LINGO2: variants seen among roughly 807,000 people sequenced by gnomAD.
The protein encoded by LINGO2 is leucine-rich repeat and immunoglobulin-like domain-containing nogo receptor-interacting protein 2.
A neutral mutation model predicts 30.6 loss-of-function variants in LINGO2; 14 were observed. That is an observed-to-expected ratio of 0.46 (90% CI 0.30 to 0.72). The LOEUF is 0.72. Among genes scored for constraint, LINGO2 ranks in the 30% least tolerant of loss-of-function variants. The pLI is 0.07. For synonymous variants in LINGO2, 317 were observed against 288.5 expected (o/e 1.10, Z -1.00); for missense variants, 729 against 751.7 (o/e 0.97, Z 0.35).
chr9:28,393,936 T>C lies in LINGO2; in HGVS notation c.-278-21068A>G, dbSNP rs1587605400. Among the ~76,000 whole-genome samples, 3 of 152,192 alleles carry C rather than the reference T, an allele frequency of 2.0e-5. No homozygotes were observed. In the East Asian group the frequency reaches 5.8e-4, roughly 29 times the overall value. ...AAGCTCTTATACTAGCTGCAGGTGT[T>C]CCCCAGCAGGATTCAATCTCAGTTA... On this transcript the variant is annotated intron_variant, in intron 2 of 5. Transcript: ENST00000379992.
the LINGO2 span, among the ~76,000 whole-genome samples, chr9:28,712,689 C>A: frequency 6.6e-6 from 1 of 151,204 alleles, no homozygotes; most frequent in Non-Finnish European, 1.5e-5. Flanking sequence ...ACCATTAACT[C>A]CAAATTTTTA....
At chr9:28,768,526 G>A in the LINGO2 span, among the ~76,000 whole-genome samples, 1 of 151,448 alleles carries the variant, frequency 6.6e-6, no homozygotes. Flanking sequence ...GTGGGCAATT[G>A]GATTTCAATA....
chr9:27,955,189 G>A (rs1169541251), intron 5 of LINGO2, among the ~76,000 whole-genome samples: 2 of 152,104 alleles, frequency 1.3e-5, no homozygotes, highest in Non-Finnish European at 2.9e-5. Flanking sequence ...GATGTCTAAT[G>A]CACAGAATAA....
the LINGO2 span, among the ~76,000 whole-genome samples, chr9:28,831,779 G>C: frequency 2.0e-5 from 3 of 152,124 alleles, no homozygotes; most frequent in South Asian, 6.2e-4. Flanking sequence ...CTTTCCCCAA[G>C]TAATTCTTCA....
intron 2 of LINGO2, among the ~76,000 whole-genome samples, chr9:28,432,084 C>G (rs1386348090): frequency 2.6e-5 from 4 of 152,086 alleles, no homozygotes; most frequent in African/African-American, 4.8e-5. Context: ...TTACCATACT[C>G]TATAAAAGCA....
intron 5 of LINGO2, among the ~76,000 whole-genome samples, chr9:27,976,948 T>A (rs142891130): frequency 3.1e-4 from 47 of 152,082 alleles, no homozygotes; most frequent in African/African-American, 1.1e-3. Flanking sequence ...TAAGTTTGTT[T>A]CTAAATACAT....
chr9:28,863,246 T>A, the LINGO2 span, among the ~76,000 whole-genome samples: 1 of 152,106 alleles, frequency 6.6e-6, no homozygotes, highest in Non-Finnish European at 1.5e-5. Flanking sequence ...TAATTGGGCA[T>A]AATAATCCAA....
At chr9:28,618,881 G>GA (rs34018909) in intron 1 of LINGO2, among the ~76,000 whole-genome samples, 56,775 of 151,820 alleles carry the variant, frequency 0.37, 11,642 homozygotes, top group African/African-American at 0.53. Context: ...GAACTTAAAG[G>GA]AAAAAAAATT....
At chr9:28,944,231 A>C in the LINGO2 span, among the ~76,000 whole-genome samples, 2 of 152,182 alleles carry the variant, frequency 1.3e-5, no homozygotes, top group African/African-American at 4.8e-5. Flanking sequence ...AGAGAAGCAG[A>C]CATTCAGACC....
At chr9:28,402,736 G>A (rs1587619838) in intron 2 of LINGO2, among the ~76,000 whole-genome samples, 2 of 151,944 alleles carry the variant, frequency 1.3e-5, no homozygotes, top group African/African-American at 4.8e-5. Flanking sequence ...CACACAATGA[G>A]AGACAACCCT....
At chr9:28,121,455 CCTTA>C (rs1374158743) in intron 4 of LINGO2, among the ~76,000 whole-genome samples, 3 of 152,084 alleles carry the variant, frequency 2.0e-5, no homozygotes, top group Non-Finnish European at 2.9e-5. Context: ...CTTTGATTAT[CCTTA>C]CTTCCTTCCA....
the LINGO2 span, among the ~76,000 whole-genome samples, chr9:29,039,168 C>G: frequency 8.5e-5 from 13 of 152,244 alleles, no homozygotes; most frequent in South Asian, 1.4e-3. Context: ...TGCAAGAAAT[C>G]TGGCACCAAT....
At chr9:28,015,136 T>C (rs1822762532) in intron 4 of LINGO2, among the ~76,000 whole-genome samples, 1 of 152,158 alleles carries the variant, frequency 6.6e-6, no homozygotes, top group Non-Finnish European at 1.5e-5. Flanking sequence ...CGCTACTCAG[T>C]CCTTATTCAA....
the LINGO2 span, among the ~76,000 whole-genome samples, chr9:29,068,486 ATATAAG>A: frequency 7.2e-5 from 11 of 151,836 alleles, no homozygotes; most frequent in East Asian, 1.9e-4. Flanking sequence ...TTCAATGTCA[ATATAAG>A]TATATCTTGT....
intron 3 of LINGO2, among the ~76,000 whole-genome samples, chr9:28,300,904 T>C (rs1824116184): frequency 6.6e-6 from 1 of 150,742 alleles, no homozygotes. Flanking sequence ...CAGCTTTGAG[T>C]AGAAAATAAT....
intron 4 of LINGO2, among the ~76,000 whole-genome samples, chr9:28,218,886 C>G (rs995181024): frequency 5.3e-5 from 8 of 152,166 alleles, no homozygotes; most frequent in African/African-American, 1.9e-4. Context: ...TTTGCCATTT[C>G]AGACACAAGA....
chr9:28,776,404 T>C, the LINGO2 span, among the ~76,000 whole-genome samples: 1 of 152,160 alleles, frequency 6.6e-6, no homozygotes, highest in African/African-American at 2.4e-5. Flanking sequence ...GAAATGGCCA[T>C]TTAATTGTTC....
At chr9:27,993,352 C>A (rs1389484686) in intron 5 of LINGO2, among the ~76,000 whole-genome samples, 2 of 152,010 alleles carry the variant, frequency 1.3e-5, no homozygotes, top group African/African-American at 4.8e-5. Context: ...CATATGAATT[C>A]TCCTACGTGT....
At chr9:29,081,934 T>C in the LINGO2 span, among the ~76,000 whole-genome samples, 1 of 151,778 alleles carries the variant, frequency 6.6e-6, no homozygotes, top group Non-Finnish European at 1.5e-5. Flanking sequence ...AAAGAGGACA[T>C]AAACAAATGG....
Sources: allele counts gnomAD v4.1 joint callset (sites outside exome capture counted in the v4.1 genomes callset), GRCh38; gene constraint gnomAD v4.1.1; transcripts MANE v1.5; gene names NCBI Gene and HGNC (gene_info 2026-07-23, HGNC 2026-07-21).